PDE6D: variants seen among roughly 807,000 people sequenced by gnomAD.
The protein encoded by PDE6D is retinal rod rhodopsin-sensitive cGMP 3',5'-cyclic phosphodiesterase subunit delta.
A neutral mutation model predicts 21.9 loss-of-function variants in PDE6D; 10 were observed. That is an observed-to-expected ratio of 0.46 (90% CI 0.28 to 0.78). The LOEUF is 0.78. Among genes scored for constraint, PDE6D ranks in the 30% least tolerant of loss-of-function variants. The pLI is 0.12. For missense variants in PDE6D, 139 were observed against 184.8 expected, an observed-to-expected ratio of 0.75 and a Z score of 1.44; for synonymous variants, 59 against 63.5, an observed-to-expected ratio of 0.93 and a Z score of 0.34.
chr2:231,769,231 C>T (rs1034190842), intron 1 of PDE6D, among the ~76,000 whole-genome samples: 8 of 152,202 alleles, frequency 5.3e-5, no homozygotes, highest in African/African-American at 1.9e-4. Flanking sequence ...ATTCTGTTAA[C>T]AAATGTCTGA....
intron 1 of PDE6D, among the ~76,000 whole-genome samples, chr2:231,774,561 T>C (rs1574636395): frequency 1.3e-5 from 2 of 152,142 alleles, no homozygotes; most frequent in South Asian, 4.2e-4. Flanking sequence ...AGAGTGCCCC[T>C]TTCCCTCAAT....
intron 1 of PDE6D, 94 bp downstream of exon 1, chr2:231,780,971 G>T (rs2049115542): frequency 1.8e-6 from 2 of 1,122,126 alleles, no homozygotes; most frequent in African/African-American, 1.6e-5. Flanking sequence ...CTTCTGTGGG[G>T]CCCACCTGGC....
intron 1 of PDE6D, among the ~76,000 whole-genome samples, chr2:231,750,141 T>C (rs1233415804): frequency 6.6e-6 from 1 of 152,168 alleles, no homozygotes; most frequent in African/African-American, 2.4e-5. Context: ...GGTTTCTGCT[T>C]TTGCTTCTTC....
chr2:231,757,567 C>T (rs1297689850), intron 1 of PDE6D, among the ~76,000 whole-genome samples: 3 of 152,230 alleles, frequency 2.0e-5, no homozygotes, highest in African/African-American at 7.2e-5. Context: ...ACTGGGGTTA[C>T]AGGCGGGAGC....
At chr2:231,746,431 C>T (rs952730201) in intron 1 of PDE6D, among the ~76,000 whole-genome samples, 1 of 152,236 alleles carries the variant, frequency 6.6e-6, no homozygotes, top group African/African-American at 2.4e-5. Flanking sequence ...GCATGAGCCA[C>T]AGTGCCTGGC....
At chr2:231,761,476 T>C (rs1341109956) in intron 1 of PDE6D, among the ~76,000 whole-genome samples, 1 of 152,200 alleles carries the variant, frequency 6.6e-6, no homozygotes, top group Non-Finnish European at 1.5e-5. Context: ...AGGCCTGGCC[T>C]ATGAATCAAT....
In PDE6D at chr2:231,732,909, C is replaced by T. The variant is rs1455226218; in HGVS notation, c.*43G>A. On this transcript the variant is annotated 3_prime_UTR_variant, in exon 5 of 5. Transcript: ENST00000287600. The stretch of plus-strand genomic sequence containing the variant: ...AAAAAAGTAAACAGTTTCCTCCTCC[C>T]TCCAAAAAACCCAAATTCTTGAAAT... The T allele has an allele frequency of 2.2e-6, 3 of 1,337,270 alleles. No individual in the cohort carries two copies. The highest frequency in any genetic ancestry group is 2.3e-5 in the East Asian group (1 of 43,502). 82.8% of individuals were successfully genotyped at this position (1,337,270 alleles called of 1,614,324 possible).
Position 231,781,240 on chromosome 2 carries a change from G to C in PDE6D, c.-126C>G, listed in dbSNP as rs1322838261. ...CTCGGGCTAGCAGCCGCAGCGGCCA[G>C]ACCAGGACCGGCCTCTCTCTCCCCT... On this transcript the variant is annotated 5_prime_UTR_variant, in exon 1 of 5. Transcript: ENST00000287600. The C allele has an allele frequency of 3.6e-6, 3 of 829,756 alleles. No individual in the cohort carries two copies. Among genetic ancestry groups the C allele is most frequent in the East Asian group, 2.7e-5 (1 of 36,588 alleles). The allele number at this position is 829,756 out of a possible 1,614,324, so 51.4% of individuals were successfully genotyped here. A position where few individuals can be genotyped will look rare whatever the true frequency, so the allele number is the denominator to read the frequency against.
chr2:231,746,010 C>A (rs1010132761), intron 1 of PDE6D, among the ~76,000 whole-genome samples: 1 of 152,186 alleles, frequency 6.6e-6, no homozygotes, highest in Non-Finnish European at 1.5e-5. Context: ...ATGATTTGAA[C>A]CAAGCTTGTC....
chr2:231,761,935 G>C (rs2048933279), intron 1 of PDE6D, among the ~76,000 whole-genome samples: 3 of 152,154 alleles, frequency 2.0e-5, no homozygotes, highest in African/African-American at 7.2e-5. Context: ...GGAACTGCAG[G>C]GTCCTGGGTA....
intron 1 of PDE6D, among the ~76,000 whole-genome samples, chr2:231,777,077 C>G (rs919766561): frequency 2.0e-5 from 3 of 152,100 alleles, no homozygotes; most frequent in Admixed American, 1.3e-4. Flanking sequence ...AAAGATTGAC[C>G]TAGTCAACGT....
chr2:231,745,402 T>A (rs1400374215), intron 1 of PDE6D, among the ~76,000 whole-genome samples: 1 of 152,166 alleles, frequency 6.6e-6, no homozygotes, highest in African/African-American at 2.4e-5. Context: ...TCACTTCCAA[T>A]CTTGAGAGGA....
intron 1 of PDE6D, among the ~76,000 whole-genome samples, chr2:231,747,874 A>G (rs926766199): frequency 2.0e-4 from 30 of 152,130 alleles, no homozygotes; most frequent in Admixed American, 2.0e-3. Context: ...TGAGTCCACA[A>G]TGGGTTCTGA....
In PDE6D at chr2:231,739,097, T is replaced by C. The variant is rs768324159; in HGVS notation, c.139+3A>G. The C allele has an allele frequency of 3.1e-6, 5 of 1,597,914 alleles. No individual in the cohort carries two copies. Among genetic ancestry groups the C allele is most frequent in the South Asian group, 1.1e-5 (1 of 90,786 alleles). ...CCTGTGTAGATAAAGGGTTGGAAAGTACCTTCATGCTCCACACCAGGGACA... is the reference window on the plus strand; with the variant it reads ...CCTGTGTAGATAAAGGGTTGGAAAGCACCTTCATGCTCCACACCAGGGACA... On this transcript the variant is annotated splice_donor_region_variant and intron_variant, in intron 2 of 4. Transcript: ENST00000287600. The surrounding 1 kb of genome is among the most constrained non-coding windows in gnomAD (Gnocchi z 4.2).
chr2:231,769,712 C>A (rs575487191), intron 1 of PDE6D, among the ~76,000 whole-genome samples: 1 of 152,282 alleles, frequency 6.6e-6, no homozygotes, highest in South Asian at 2.1e-4. Flanking sequence ...TTCCTGAGCT[C>A]AAGTGATCCT....
intron 1 of PDE6D, among the ~76,000 whole-genome samples, chr2:231,772,544 G>A (rs1483109573): frequency 6.6e-6 from 1 of 152,188 alleles, no homozygotes; most frequent in Non-Finnish European, 1.5e-5. Flanking sequence ...TGGAGAAGAT[G>A]GCCTTAAAAT....
At chr2:231,753,727 T>C (rs2048861725) in intron 1 of PDE6D, among the ~76,000 whole-genome samples, 1 of 152,244 alleles carries the variant, frequency 6.6e-6, no homozygotes, top group Admixed American at 6.5e-5. Flanking sequence ...TTTTACAATC[T>C]AATACATTGT....
chr2:231,737,367 A>T, intron 3 of PDE6D, 75 bp from the exon 4 acceptor site: 1 of 738,178 alleles, frequency 1.4e-6, no homozygotes, highest in Non-Finnish European at 2.4e-6. Context: ...CTCCCTCTCT[A>T]GAGTGAGCCT....
intron 1 of PDE6D, among the ~76,000 whole-genome samples, chr2:231,771,483 A>T (rs2049015429): frequency 6.6e-6 from 1 of 152,234 alleles, no homozygotes; most frequent in Admixed American, 6.5e-5. Context: ...GGTTGTTGTG[A>T]TAATGCAGTA....
Sources: gnomAD v4.1 joint callset for allele counts (sites outside exome capture counted in the v4.1 genomes callset) on GRCh38, gnomAD v4.1.1 for gene constraint, Gnocchi (gnomAD v3.1) non-coding constraint, MANE v1.5 for transcripts, NCBI Gene and HGNC (gene_info 2026-07-23, HGNC 2026-07-21) for gene names.